The following PEX14 variants were observed in gnomAD, a reference collection of about 807,000 sequenced individuals.
PEX14 encodes peroxisomal membrane protein PEX14.
PEX14 carries 15 observed loss-of-function variants against 49.5 expected under a neutral mutation model. The observed-to-expected ratio is 0.30, with a 90% CI of 0.20 to 0.47. The LOEUF (loss-of-function observed/expected upper bound fraction) is 0.47. PEX14 is among the 20% of genes least tolerant of loss of function. PEX14 has a pLI of 1.00. For missense variants in PEX14, 398 were observed against 494.8 expected, an observed-to-expected ratio of 0.80 and a Z score of 1.86; for synonymous variants, 210 against 212.7, an observed-to-expected ratio of 0.99 and a Z score of 0.11.
At position 10,629,910 on chromosome 1, in the gene PEX14, G is replaced by A. The variant is rs1641870710; in HGVS notation, c.1057G>A (p.Gly353Arg). 1 of 1,613,356 alleles carries A rather than the reference G, an allele frequency of 6.2e-7. No individual in the cohort carries two copies. The highest frequency in any genetic ancestry group is 8.5e-7 in the Non-Finnish European group (1 of 1,179,858). ...GGTGCAGAGGGAGGACCGCCGGGGC[G>A]GGGATGGGCAGATCAACGAGCAGGT... is the stretch of plus-strand genomic sequence containing the variant. ...LGVQREDRRG[G>R]DGQINEQVEK... is the part of the protein sequence containing the mutation. The change falls in exon 9 of 9, where the codon GGG becomes AGG. Residue 353 changes from glycine (G) to arginine (R), a missense_variant. Gly to Arg is a moderately radical substitution (Grantham distance 125). Around this residue, in one of 3 missense-constraint regions of PEX14, gnomAD observed 140 missense variants for 155.5 expected, o/e 0.90. Transcript: ENST00000356607. The surrounding 1 kb of genome is among the most constrained non-coding windows in gnomAD (Gnocchi z 8.5).
chr1:10,630,012 T>C lies in PEX14; in HGVS notation c.*25T>C, dbSNP rs1386313953. 1 of 1,604,710 alleles carries C rather than the reference T, an allele frequency of 6.2e-7. No individual in the cohort carries two copies. Among genetic ancestry groups the C allele is most frequent in the Non-Finnish European group, 8.5e-7 (1 of 1,179,106 alleles). On this transcript the variant is annotated 3_prime_UTR_variant, in exon 9 of 9. Transcript: ENST00000356607. This position sits in a 1 kb window ranked among gnomAD's most constrained non-coding sequence, Gnocchi z 4.1. Reference sequence around the variant, plus strand: ...GGGCTGCGCCTGCTGCCTCCAGCCCTGAGGATGGCATCTAGTGTGCCCGTG... The same window carrying C: ...GGGCTGCGCCTGCTGCCTCCAGCCCCGAGGATGGCATCTAGTGTGCCCGTG...
At chr1:10,536,581 C>T in intron 3 of PEX14, 1 of 426,046 alleles carries the variant, frequency 2.3e-6, no homozygotes, top group South Asian at 2.2e-5. Context: ...TTGGATGAGA[C>T]TGTGGAGGAC....
chr1:10,499,674 C>A (rs960297302), intron 2 of PEX14, among the ~76,000 whole-genome samples: 3 of 152,048 alleles, frequency 2.0e-5, no homozygotes, highest in Non-Finnish European at 4.4e-5. Flanking sequence ...GTCTGGATCT[C>A]CTGACCTTGT....
intron 3 of PEX14, among the ~76,000 whole-genome samples, chr1:10,537,130 C>G (rs1638829271): frequency 6.6e-6 from 1 of 152,140 alleles, no homozygotes; most frequent in African/African-American, 2.4e-5. Context: ...TTTCCTAGGT[C>G]TGCTCTGTGA....
At chr1:10,563,524 C>A (rs541371861) in intron 3 of PEX14, among the ~76,000 whole-genome samples, 2 of 152,230 alleles carry the variant, frequency 1.3e-5, no homozygotes, top group African/African-American at 4.8e-5. Context: ...ACTCCGGAGG[C>A]GGAGGCCGGA....
At chr1:10,520,866 C>G (rs900946036) in intron 2 of PEX14, among the ~76,000 whole-genome samples, 10 of 152,190 alleles carry the variant, frequency 6.6e-5, no homozygotes, top group South Asian at 6.2e-4. Flanking sequence ...CACAGTATCA[C>G]TGTAGACGCA....
At chr1:10,565,683 T>G (rs1639783407) in intron 3 of PEX14, among the ~76,000 whole-genome samples, 1 of 152,224 alleles carries the variant, frequency 6.6e-6, no homozygotes, top group South Asian at 2.1e-4. Context: ...TAATTTTATA[T>G]TCTCAACTTT....
intron 1 of PEX14, among the ~76,000 whole-genome samples, chr1:10,479,234 A>G (rs1382998429): frequency 6.6e-6 from 1 of 152,040 alleles, no homozygotes; most frequent in Non-Finnish European, 1.5e-5. Context: ...AAAATTAGCC[A>G]GGCATGGTAG....
chr1:10,566,865 G>C (rs11121594), intron 3 of PEX14, among the ~76,000 whole-genome samples: 93,394 of 151,774 alleles, frequency 0.62, 29,986 homozygotes, highest in Admixed American at 0.7. Context: ...AAGTAATCAG[G>C]AATTTATTTC....
At position 10,529,112 on chromosome 1, in the gene PEX14, GGAT is replaced by G. The variant is rs2124469177; in HGVS notation, c.85-7099_85-7097del. Among the ~76,000 whole-genome samples, 1 of 152,294 alleles carries G rather than the reference GGAT, an allele frequency of 6.6e-6. No homozygotes were observed. Among genetic ancestry groups the G allele is most frequent in the South Asian group, 2.1e-4 (1 of 4,816 alleles). ...GGGGCTGCTATCTAAATTCAGGTGGGGATGCGTGGGGACAAGGCATTTAAATGT... is the reference window on the plus strand; with the variant it reads ...GGGGCTGCTATCTAAATTCAGGTGGGGCGTGGGGACAAGGCATTTAAATGT... On this transcript the variant is annotated intron_variant, in intron 2 of 8. Transcript: ENST00000356607. The surrounding 1 kb of genome is among the most constrained non-coding windows in gnomAD (Gnocchi z 4.2).
chr1:10,482,396 G>A (rs1197596617), intron 1 of PEX14, among the ~76,000 whole-genome samples: 1 of 150,504 alleles, frequency 6.6e-6, no homozygotes, highest in Non-Finnish European at 1.5e-5. Context: ...TCCCAAAGTG[G>A]TGGGATTATA....
rs900829136 is a variant in PEX14, at chr1:10,623,268, C to T, written c.487+147C>T. 38 of 672,228 alleles carry T rather than the reference C, an allele frequency of 5.7e-5. No individual in the cohort carries two copies. In the East Asian group the frequency reaches 8.7e-4, roughly 15 times the overall value. The allele number at this position is 672,228 out of a possible 1,614,324, so 41.6% of individuals were successfully genotyped here. On this transcript the variant is annotated intron_variant, in intron 6 of 8. Coordinates refer to ENST00000356607, the MANE Select transcript of PEX14 (RefSeq NM_004565.3). This position sits in a 1 kb window ranked among gnomAD's most constrained non-coding sequence, Gnocchi z 4.4. ...ATCTGTTCACATTTGCAAATGAAGC[C>T]GCCGTCATTTCGGTTTAATTTGAAA...
intron 3 of PEX14, among the ~76,000 whole-genome samples, chr1:10,561,649 A>G (rs973772947): frequency 8.5e-5 from 13 of 152,208 alleles, no homozygotes; most frequent in South Asian, 2.1e-4. Context: ...TTTGTAATTA[A>G]CAAGTAATCT....
At chr1:10,536,130 TG>T in intron 2 of PEX14, 82 bp from the exon 3 acceptor site, 3 of 871,094 alleles carry the variant, frequency 3.4e-6, no homozygotes, top group Non-Finnish European at 4.0e-6. Flanking sequence ...TCTGTGGAGC[TG>T]GGAAAAACTC....
At chr1:10,549,537 A>G (rs1639277810) in intron 3 of PEX14, among the ~76,000 whole-genome samples, 1 of 152,214 alleles carries the variant, frequency 6.6e-6, no homozygotes, top group Admixed American at 6.5e-5. Flanking sequence ...ATATTTACTT[A>G]CATTTTTTTT....
At position 10,515,475 on chromosome 1, in the gene PEX14, G is replaced by A. The variant is rs1641954380; in HGVS notation, c.84+20154G>A. 2.6e-5 allele frequency among the ~76,000 whole-genome samples: 4 copies of A among 152,148 alleles called. No individual in the cohort carries two copies. The South Asian group carries it at 8.3e-4, about 32-fold the overall frequency. ...CTCGTGTGTCCCAGGATCGATGGGT[G>A]ATTTCCCCTTGAGACACCCTGGAAA... is the stretch of plus-strand genomic sequence containing the variant. On this transcript the variant is annotated intron_variant, in intron 2 of 8. Coordinates refer to ENST00000356607, the MANE Select transcript of PEX14 (RefSeq NM_004565.3).
At chr1:10,556,585 T>TA (rs1192888478) in intron 3 of PEX14, among the ~76,000 whole-genome samples, 1 of 152,154 alleles carries the variant, frequency 6.6e-6, no homozygotes, top group Non-Finnish European at 1.5e-5. Flanking sequence ...GGCTTGGCCT[T>TA]ACTGCCTGAG....
chr1:10,604,183 C>T (rs995167002), intron 4 of PEX14, among the ~76,000 whole-genome samples: 2 of 152,092 alleles, frequency 1.3e-5, no homozygotes, highest in Non-Finnish European at 2.9e-5. Context: ...CCGGTGAGGA[C>T]GGTGGCACAG....
At chr1:10,606,299 G>A (rs1185204770) in intron 4 of PEX14, among the ~76,000 whole-genome samples, 1 of 152,224 alleles carries the variant, frequency 6.6e-6, no homozygotes, top group Non-Finnish European at 1.5e-5. Context: ...CCCACCTGCT[G>A]TCCAGCCAGC....
Sources: gnomAD v4.1 joint callset for allele counts (sites outside exome capture counted in the v4.1 genomes callset) on GRCh38, gnomAD v4.1.1 for gene constraint, gnomAD v4.1.1 regional missense constraint, Gnocchi (gnomAD v3.1) non-coding constraint, MANE v1.5 for transcripts, NCBI Gene and HGNC (gene_info 2026-07-23, HGNC 2026-07-21) for gene names.